Variants in STK32B observed in about 807,000 individuals in gnomAD.
STK32B encodes serine/threonine kinase 32B.
A neutral mutation model predicts 52.6 loss-of-function variants in STK32B; 43 were observed. The ratio of observed to expected loss-of-function variants is 0.82; its 90% CI spans 0.64 to 1.05. The LOEUF is 1.05. Ranked by LOEUF, STK32B falls within the 50% of genes least tolerant of loss-of-function variation. The probability of loss-of-function intolerance (pLI) is 0.00; values close to 1 mark genes in which losing one functional copy is unlikely to be tolerated. For missense variants in STK32B, 621 were observed against 534.6 expected (o/e 1.16, Z -1.59); for synonymous variants, 238 against 204.3 (o/e 1.17, Z -1.41).
In STK32B at chr4:5,153,882, ATATT is replaced by A. The variant is rs1255546868; in HGVS notation, c.108+13928_108+13931del. ...TAAAAAACTATGTTTATGCTTTGGA[ATATT>A]TATTTTTATTAAGATGGCAATTCTC... is the stretch of plus-strand genomic sequence containing the variant. On this transcript the variant is annotated intron_variant, in intron 2 of 11. Coordinates refer to ENST00000282908, the MANE Select transcript of STK32B (RefSeq NM_018401.3). Among the ~76,000 whole-genome samples, 11 of 152,314 alleles carry A rather than the reference ATATT, an allele frequency of 7.2e-5. 1 individual carries two copies. The East Asian group carries it at 2.1e-3, about 29-fold the overall frequency.
intron 3 of STK32B, among the ~76,000 whole-genome samples, chr4:5,291,091 A>G (rs1466980194): frequency 1.3e-5 from 2 of 152,110 alleles, no homozygotes; most frequent in Non-Finnish European, 2.9e-5. Context: ...CTTCGTTACT[A>G]TAACATTGTA....
intron 6 of STK32B, among the ~76,000 whole-genome samples, chr4:5,444,377 G>C (rs181712889): frequency 6.6e-6 from 1 of 152,184 alleles, no homozygotes; most frequent in African/African-American, 2.4e-5. Flanking sequence ...GGTGCCGTCC[G>C]TCACCCCTTT....
chr4:5,353,863 T>C (rs1265982129), intron 4 of STK32B, among the ~76,000 whole-genome samples: 1 of 152,184 alleles, frequency 6.6e-6, no homozygotes, highest in Non-Finnish European at 1.5e-5. Flanking sequence ...TACCATCTGA[T>C]CCAGGAATCC....
chr4:5,333,448 G>C (rs1454386523), intron 4 of STK32B, among the ~76,000 whole-genome samples: 3 of 152,156 alleles, frequency 2.0e-5, no homozygotes, highest in Non-Finnish European at 4.4e-5. Flanking sequence ...TCTGATGGTA[G>C]TTTCTTTGCT....
At chr4:5,078,731 C>CTGGCAAGGT in intron 1 of STK32B, among the ~76,000 whole-genome samples, 1 of 152,168 alleles carries the variant, frequency 6.6e-6, no homozygotes, top group East Asian at 1.9e-4. Context: ...CAGAGTTTCC[C>CTGGCAAGGT]TGCCTGGCCT....
chr4:5,437,691 G>T (rs540458101), intron 6 of STK32B, among the ~76,000 whole-genome samples: 1 of 152,276 alleles, frequency 6.6e-6, no homozygotes, highest in Admixed American at 6.5e-5. Flanking sequence ...GAAAAATGAA[G>T]ATCATAGTAG....
chr4:5,070,406 A>G (rs986270200), intron 1 of STK32B, among the ~76,000 whole-genome samples: 1 of 152,148 alleles, frequency 6.6e-6, no homozygotes, highest in African/African-American at 2.4e-5. Context: ...ATGGGGACTT[A>G]GAGAGGATTA....
intron 1 of STK32B, among the ~76,000 whole-genome samples, chr4:5,120,558 C>T (rs1714972656): frequency 6.6e-6 from 1 of 152,142 alleles, no homozygotes; most frequent in East Asian, 1.9e-4. Context: ...ATATAGGATT[C>T]AGTAGTATCC....
In STK32B at chr4:5,499,152, T is replaced by G. The variant is rs2108739618; in HGVS notation, c.*69T>G. 6.6e-7 allele frequency: 1 copy of G among 1,511,866 alleles called. No homozygotes were observed. The highest frequency in any genetic ancestry group is 2.4e-5 in the East Asian group (1 of 41,458). The allele number at this position is 1,511,866 out of a possible 1,614,324, so 93.7% of individuals were successfully genotyped here. A position where few individuals can be genotyped will look rare whatever the true frequency, so the allele number is the denominator to read the frequency against. On this transcript the variant is annotated 3_prime_UTR_variant, in exon 12 of 12. Transcript: ENST00000282908. ...CCTGCCCACCCAGAGCCCCTCTTTG[T>G]GCCCTGATGGTCCCTGTCTCACCCC...
chr4:5,370,910 C>G (rs950492460), intron 4 of STK32B, among the ~76,000 whole-genome samples: 1 of 151,700 alleles, frequency 6.6e-6, no homozygotes, highest in Non-Finnish European at 1.5e-5. Context: ...GAGGTCGAGG[C>G]TACAGTAAGC....
intron 2 of STK32B, among the ~76,000 whole-genome samples, chr4:5,150,636 G>T (rs1456186902): frequency 6.6e-6 from 1 of 151,930 alleles, no homozygotes; most frequent in Non-Finnish European, 1.5e-5. Flanking sequence ...TTAGGAGTCA[G>T]CAGTAGATTT....
intron 5 of STK32B, among the ~76,000 whole-genome samples, chr4:5,416,228 A>C (rs1358585160): frequency 2.6e-5 from 4 of 151,770 alleles, no homozygotes; most frequent in Non-Finnish European, 2.9e-5. Context: ...TTATCTGCAC[A>C]TCACTTAGTT....
At chr4:5,206,973 A>T (rs548665282) in intron 3 of STK32B, among the ~76,000 whole-genome samples, 1 of 152,302 alleles carries the variant, frequency 6.6e-6, no homozygotes, top group East Asian at 1.9e-4. Flanking sequence ...ACTGCTTTAG[A>T]TGCTTCTGGG....
intron 2 of STK32B, among the ~76,000 whole-genome samples, chr4:5,150,807 T>C (rs149685479): frequency 6.6e-6 from 1 of 152,170 alleles, no homozygotes; most frequent in Non-Finnish European, 1.5e-5. Context: ...TTGCCCATAA[T>C]CTCATGAACA....
chr4:5,405,512 A>G (rs1248537938), intron 5 of STK32B, among the ~76,000 whole-genome samples: 4 of 152,156 alleles, frequency 2.6e-5, no homozygotes, highest in African/African-American at 2.4e-5. Context: ...CCATTCTCAC[A>G]CTGCTGTGAA....
At chr4:5,086,990 A>T (rs988168704) in intron 1 of STK32B, among the ~76,000 whole-genome samples, 9 of 152,248 alleles carry the variant, frequency 5.9e-5, no homozygotes, top group African/African-American at 2.2e-4. Flanking sequence ...TCAAAGCTGC[A>T]TGAAGAAATT....
chr4:5,347,763 TA>T (rs912868675), intron 4 of STK32B, among the ~76,000 whole-genome samples: 5 of 152,134 alleles, frequency 3.3e-5, no homozygotes, highest in Admixed American at 6.5e-5. Flanking sequence ...TCTGATAGTT[TA>T]AAAGTGTTTG....
At chr4:5,485,145 C>A (rs371289939) in intron 11 of STK32B, among the ~76,000 whole-genome samples, 1 of 152,148 alleles carries the variant, frequency 6.6e-6, no homozygotes, top group Admixed American at 6.6e-5. Context: ...TGTCTTGCTA[C>A]ACTGAAGAAG....
chr4:5,245,595 G>A (rs983210991), intron 3 of STK32B, among the ~76,000 whole-genome samples: 8 of 152,242 alleles, frequency 5.3e-5, no homozygotes, highest in African/African-American at 1.9e-4. Context: ...ATTGTTATGT[G>A]TGAATTTGAT....
Sources: allele counts gnomAD v4.1 joint callset (sites outside exome capture counted in the v4.1 genomes callset), GRCh38; gene constraint gnomAD v4.1.1; transcripts MANE v1.5; gene names NCBI Gene and HGNC (gene_info 2026-07-23, HGNC 2026-07-21).